Variants in LRRTM3 observed in about 807,000 individuals in gnomAD.
LRRTM3 encodes the protein leucine rich repeat transmembrane neuronal 3.
Under a neutral mutation model 44.7 loss-of-function variants are expected in LRRTM3, and 24 were observed. The observed-to-expected ratio is 0.54, with a 90% CI of 0.39 to 0.76. LRRTM3 has a LOEUF of 0.76. Ranked by LOEUF, LRRTM3 falls within the 30% of genes least tolerant of loss-of-function variation. The pLI, the probability that LRRTM3 is intolerant of heterozygous loss-of-function variation, is 0.00. For missense variants in LRRTM3, 587 were observed against 702.2 expected (o/e 0.84, Z 1.85); for synonymous variants, 277 against 278.7 (o/e 0.99, Z 0.06).
chr10:67,085,009 C>A (rs1857223105), intron 2 of LRRTM3, among the ~76,000 whole-genome samples: 1 of 151,846 alleles, frequency 6.6e-6, no homozygotes, highest in Admixed American at 6.6e-5. Flanking sequence ...AGTAGGGTAT[C>A]CTAATGATAC....
chr10:67,069,553 G>GCCTGCCCCAC (rs1856308488), intron 2 of LRRTM3, among the ~76,000 whole-genome samples: 1 of 133,654 alleles, frequency 7.5e-6, no homozygotes, highest in African/African-American at 3.0e-5. Flanking sequence ...GTGTACAGCA[G>GCCTGCCCCAC]CCCGCCCCAC....
chr10:66,945,496 A>G (rs1848228383), intron 2 of LRRTM3, among the ~76,000 whole-genome samples: 1 of 152,098 alleles, frequency 6.6e-6, no homozygotes, highest in Admixed American at 6.6e-5. Flanking sequence ...AATGTTGTGG[A>G]TGGTTTGATC....
At chr10:66,995,442 T>G (rs1041091907) in intron 2 of LRRTM3, among the ~76,000 whole-genome samples, 1 of 152,186 alleles carries the variant, frequency 6.6e-6, no homozygotes, top group Non-Finnish European at 1.5e-5. Context: ...CCCCTGCTTC[T>G]AGATGTACCT....
intron 2 of LRRTM3, among the ~76,000 whole-genome samples, chr10:66,990,177 CT>C (rs1850966346): frequency 6.6e-6 from 1 of 152,108 alleles, no homozygotes; most frequent in Non-Finnish European, 1.5e-5. Context: ...GTTGAATCTG[CT>C]TCATGAACCA....
At chr10:67,026,164 C>T (rs985323324) in intron 2 of LRRTM3, among the ~76,000 whole-genome samples, 21 of 149,930 alleles carry the variant, frequency 1.4e-4, no homozygotes, top group East Asian at 3.9e-4. Flanking sequence ...TGCTAAATGA[C>T]GAGTTAATGG....
Position 67,085,983 on chromosome 10 carries a change from C to T in LRRTM3, c.1537-11604C>T, listed in dbSNP as rs74886618. Among the ~76,000 whole-genome samples, 202 of 152,104 alleles carry T rather than the reference C, an allele frequency of 1.3e-3. 1 individual carries two copies. Among genetic ancestry groups the T allele is most frequent in the African/African-American group, 4.8e-3 (198 of 41,524 alleles). ...CCCTCCACTCTCATCATATCCTACA[C>T]ATAATTCCACCCTAGGAACATGGTG... On this transcript the variant is annotated intron_variant, in intron 2 of 2. Coordinates refer to ENST00000361320, the MANE Select transcript of LRRTM3 (RefSeq NM_178011.5).
intron 2 of LRRTM3, among the ~76,000 whole-genome samples, chr10:66,965,829 T>C (rs948663677): frequency 2.6e-5 from 4 of 152,136 alleles, no homozygotes; most frequent in African/African-American, 7.2e-5. Flanking sequence ...TTTTTTTCTA[T>C]GTTAAGTGAA....
chr10:66,975,941 A>C (rs557714901), intron 2 of LRRTM3, among the ~76,000 whole-genome samples: 1 of 152,318 alleles, frequency 6.6e-6, no homozygotes, highest in Admixed American at 6.5e-5. Flanking sequence ...CTAAAGCATA[A>C]ATTATAGACC....
chr10:67,081,099 C>G (rs1857038180), intron 2 of LRRTM3, among the ~76,000 whole-genome samples: 1 of 152,138 alleles, frequency 6.6e-6, no homozygotes, highest in Admixed American at 6.5e-5. Context: ...TTAATAATGT[C>G]TAAATGTTTC....
chr10:67,046,706 A>G (rs1416772755), intron 2 of LRRTM3, among the ~76,000 whole-genome samples: 2 of 152,242 alleles, frequency 1.3e-5, no homozygotes, highest in African/African-American at 4.8e-5. Context: ...AGATAAATGT[A>G]TTGACTCAGC....
intron 2 of LRRTM3, among the ~76,000 whole-genome samples, chr10:66,997,506 T>C (rs781476301): frequency 2.0e-5 from 3 of 152,198 alleles, no homozygotes; most frequent in Non-Finnish European, 2.9e-5. Flanking sequence ...TTCTTGTCTG[T>C]TCATAAGCTC....
At chr10:66,991,735 A>G (rs527777677) in intron 2 of LRRTM3, among the ~76,000 whole-genome samples, 1 of 152,276 alleles carries the variant, frequency 6.6e-6, no homozygotes, top group South Asian at 2.1e-4. Flanking sequence ...ATCATTAGTA[A>G]CATTTGCCAG....
intron 2 of LRRTM3, among the ~76,000 whole-genome samples, chr10:67,045,005 A>G (rs1214204320): frequency 6.6e-6 from 1 of 152,220 alleles, no homozygotes; most frequent in East Asian, 1.9e-4. Flanking sequence ...GGAGACGCTC[A>G]ATAAATGTTA....
chr10:67,067,218 T>G (rs758573997), intron 2 of LRRTM3, among the ~76,000 whole-genome samples: 5 of 152,172 alleles, frequency 3.3e-5, no homozygotes, highest in Non-Finnish European at 5.9e-5. Flanking sequence ...AGTGAAACAA[T>G]TTTTAAGTAT....
At chr10:66,971,408 C>A (rs61866211) in intron 2 of LRRTM3, among the ~76,000 whole-genome samples, 1 of 131,916 alleles carries the variant, frequency 7.6e-6, no homozygotes, top group East Asian at 2.3e-4. Context: ...GCCTGGGCAA[C>A]AGAGAGAGAC....
intron 2 of LRRTM3, among the ~76,000 whole-genome samples, chr10:67,008,954 T>C (rs1350717527): frequency 6.6e-6 from 1 of 152,198 alleles, no homozygotes; most frequent in Non-Finnish European, 1.5e-5. Flanking sequence ...AAAAGATAAC[T>C]TGGGTGGGTA....
intron 2 of LRRTM3, among the ~76,000 whole-genome samples, chr10:67,087,548 A>G (rs1442748565): frequency 1.3e-5 from 2 of 151,856 alleles, no homozygotes; most frequent in Non-Finnish European, 2.9e-5. Flanking sequence ...AAAATAAAAT[A>G]AAGTTTTAAA....
intron 2 of LRRTM3, among the ~76,000 whole-genome samples, chr10:67,038,862 T>C (rs975770061): frequency 1.4e-5 from 2 of 147,644 alleles, no homozygotes; most frequent in African/African-American, 2.7e-5. Flanking sequence ...TTATATATTA[T>C]GTTATAATAA....
intron 2 of LRRTM3, among the ~76,000 whole-genome samples, chr10:67,026,227 G>T (rs1056018168): frequency 6.6e-6 from 1 of 151,416 alleles, no homozygotes; most frequent in Non-Finnish European, 1.5e-5. Flanking sequence ...CTTGCACATT[G>T]TGCACATGTA....
Sources: allele counts gnomAD v4.1 joint callset (sites outside exome capture counted in the v4.1 genomes callset), GRCh38; gene constraint gnomAD v4.1.1; transcripts MANE v1.5; gene names NCBI Gene and HGNC (gene_info 2026-07-23, HGNC 2026-07-21).